GRM5: variants seen among roughly 807,000 people sequenced by gnomAD.
GRM5 encodes glutamate metabotropic receptor 5.
In GRM5, 19 loss-of-function variants were observed where a neutral mutation model predicts 83.1. The observed-to-expected ratio is 0.23, with a 90% CI of 0.16 to 0.34. The LOEUF (loss-of-function observed/expected upper bound fraction) is 0.34, where lower values mean the gene tolerates loss of function less well. GRM5 is among the 10% of genes least tolerant of loss of function. The pLI, the probability that GRM5 is intolerant of heterozygous loss-of-function variation, is 1.00. For missense variants in GRM5, 1,160 were observed against 1,588.3 expected, an observed-to-expected ratio of 0.73 and a Z score of 4.58; for synonymous variants, 675 against 633.6, an observed-to-expected ratio of 1.07 and a Z score of -0.98.
chr11:88,994,621 A>C (rs941762849), intron 2 of GRM5, among the ~76,000 whole-genome samples: 12 of 149,452 alleles, frequency 8.0e-5, no homozygotes, highest in South Asian at 2.1e-4. Flanking sequence ...AAAAAAAAAA[A>C]AAAAAACAGT....
chr11:88,557,755 T>C (rs928739076), intron 8 of GRM5, among the ~76,000 whole-genome samples: 1 of 151,946 alleles, frequency 6.6e-6, no homozygotes, highest in African/African-American at 2.4e-5. Context: ...ATCATCCTTT[T>C]TTTTTTTTTT....
intron 9 of GRM5, among the ~76,000 whole-genome samples, chr11:88,524,459 C>A (rs956755719): frequency 6.6e-6 from 1 of 152,086 alleles, no homozygotes; most frequent in Admixed American, 6.5e-5. Flanking sequence ...CTCAGCTGAT[C>A]CACCCGCCTT....
At chr11:88,689,077 T>C (rs1217216471) in intron 3 of GRM5, among the ~76,000 whole-genome samples, 1 of 152,170 alleles carries the variant, frequency 6.6e-6, no homozygotes, top group African/African-American at 2.4e-5. Flanking sequence ...GATAAATATT[T>C]GTTGAATAAA....
intron 2 of GRM5, among the ~76,000 whole-genome samples, chr11:88,944,537 CT>C (rs1013154764): frequency 1.3e-4 from 19 of 151,382 alleles, no homozygotes; most frequent in African/African-American, 4.4e-4. Flanking sequence ...ACCTACGTGC[CT>C]TTTTTTTCAA....
chr11:88,831,365 A>C (rs480015), intron 3 of GRM5, among the ~76,000 whole-genome samples: 74,541 of 152,054 alleles, frequency 0.49, 21,465 homozygotes, highest in African/African-American at 0.76. Flanking sequence ...GGGGCTAAAG[A>C]TTGAACTCCC....
intron 7 of GRM5, among the ~76,000 whole-genome samples, chr11:88,588,989 G>A (rs1049819097): frequency 6.6e-6 from 1 of 152,114 alleles, no homozygotes; most frequent in African/African-American, 2.4e-5. Context: ...ATGAAAGTGT[G>A]TGTTCATTCT....
intron 4 of GRM5, among the ~76,000 whole-genome samples, chr11:88,608,769 A>T (rs1938239248): frequency 6.6e-6 from 1 of 151,862 alleles, no homozygotes; most frequent in South Asian, 2.1e-4. Flanking sequence ...ATTGGCCCCC[A>T]CTTGGCCTCC....
rs988335753 is a variant in GRM5, at chr11:88,820,371, T to C, written c.911+29535A>G. Among the ~76,000 whole-genome samples the C allele has an allele frequency of 2.3e-4, 10 of 44,352 alleles. 1 individual carries two copies. Among genetic ancestry groups the C allele is most frequent in the African/African-American group, 2.1e-3 (7 of 3,334 alleles). The allele number at this position is 44,352 out of a possible 152,430, so 29.1% of individuals were successfully genotyped here. On this transcript the variant is annotated intron_variant, in intron 3 of 9. Coordinates refer to ENST00000305447, the MANE Select transcript of GRM5 (RefSeq NM_001143831.3). ...GCCTGGGCAACAGAGCAAAACTCCATCTCAAAAAAAAAAAAAAAAAAAGCC... is the reference window on the plus strand; with the variant it reads ...GCCTGGGCAACAGAGCAAAACTCCACCTCAAAAAAAAAAAAAAAAAAAGCC...
intron 3 of GRM5, among the ~76,000 whole-genome samples, chr11:88,658,255 C>T (rs1223885382): frequency 1.3e-5 from 2 of 152,034 alleles, no homozygotes; most frequent in African/African-American, 4.8e-5. Context: ...CGTTGGGGAC[C>T]GCTGTTGTAG....
At chr11:88,515,035 C>G (rs556177229) in intron 9 of GRM5, among the ~76,000 whole-genome samples, 1 of 151,980 alleles carries the variant, frequency 6.6e-6, no homozygotes, top group Admixed American at 6.6e-5. Context: ...GAGAATCACT[C>G]GATCCTCTCT....
intron 3 of GRM5, among the ~76,000 whole-genome samples, chr11:88,754,389 A>G (rs1230866050): frequency 6.6e-6 from 1 of 152,144 alleles, no homozygotes; most frequent in Non-Finnish European, 1.5e-5. Flanking sequence ...GTTTACCTAT[A>G]TAACGAACCT....
chr11:88,552,861 AGTG>A (rs1315350513), intron 8 of GRM5, among the ~76,000 whole-genome samples: 1 of 152,140 alleles, frequency 6.6e-6, no homozygotes, highest in East Asian at 1.9e-4. Flanking sequence ...GTGTCTGTAC[AGTG>A]AATGCAATTA....
intron 3 of GRM5, among the ~76,000 whole-genome samples, chr11:88,740,144 C>T (rs953364290): frequency 6.6e-6 from 1 of 152,010 alleles, no homozygotes; most frequent in African/African-American, 2.4e-5. Flanking sequence ...AGAATACTTT[C>T]AGAATATGAA....
At chr11:88,929,011 T>C (rs1937624870) in intron 2 of GRM5, among the ~76,000 whole-genome samples, 1 of 151,958 alleles carries the variant, frequency 6.6e-6, no homozygotes, top group Non-Finnish European at 1.5e-5. Flanking sequence ...CAATTTTAAG[T>C]TGATAACATT....
At chr11:88,605,420 C>T (rs1282592927) in intron 4 of GRM5, among the ~76,000 whole-genome samples, 1 of 151,208 alleles carries the variant, frequency 6.6e-6, no homozygotes, top group African/African-American at 2.4e-5. Flanking sequence ...TATAAATTTA[C>T]CTATTTAGAT....
At chr11:88,984,969 T>C in intron 2 of GRM5, 1 of 556,922 alleles carries the variant, frequency 1.8e-6, no homozygotes, top group Non-Finnish European at 3.3e-6. Flanking sequence ...AATCACAGTA[T>C]TATGTGTATC....
intron 3 of GRM5, among the ~76,000 whole-genome samples, chr11:88,694,513 G>A (rs1940856493): frequency 6.6e-6 from 1 of 151,816 alleles, no homozygotes; most frequent in Non-Finnish European, 1.5e-5. Flanking sequence ...AAGAACAGCA[G>A]GCATAACTTC....
At chr11:88,756,883 G>A (rs1276181251) in intron 3 of GRM5, among the ~76,000 whole-genome samples, 2 of 152,026 alleles carry the variant, frequency 1.3e-5, no homozygotes, top group Non-Finnish European at 2.9e-5. Context: ...AAGAACAAAT[G>A]GCTGAAAACT....
At chr11:89,052,313 C>G (rs184263121) in intron 1 of GRM5, among the ~76,000 whole-genome samples, 4 of 151,992 alleles carry the variant, frequency 2.6e-5, no homozygotes, top group African/African-American at 4.8e-5. Flanking sequence ...TGCAAAGGTA[C>G]AGCTAAAAAA....
Sources: gnomAD v4.1 joint callset for allele counts (sites outside exome capture counted in the v4.1 genomes callset) on GRCh38, gnomAD v4.1.1 for gene constraint, MANE v1.5 for transcripts, NCBI Gene and HGNC (gene_info 2026-07-23, HGNC 2026-07-21) for gene names.